ACYP2: variants seen among roughly 807,000 people sequenced by gnomAD.
ACYP2 encodes acylphosphatase 2.
In ACYP2, 12 loss-of-function variants were observed where a neutral mutation model predicts 11.2. That is an observed-to-expected ratio of 1.08 (90% CI 0.69 to 1.74). The LOEUF (loss-of-function observed/expected upper bound fraction) is 1.74, where lower values mean the gene tolerates loss of function less well. Among genes scored for constraint, ACYP2 ranks in the 40% most tolerant of loss-of-function variants. The pLI is 0.00. For missense variants in ACYP2, 134 were observed against 101.9 expected (o/e 1.31, Z -1.35); for synonymous variants, 43 against 32.2 (o/e 1.33, Z -1.13).
intron 6 of ACYP2, among the ~76,000 whole-genome samples, chr2:54,286,224 G>T (rs1297121998): frequency 6.6e-6 from 1 of 151,956 alleles, no homozygotes; most frequent in Admixed American, 6.6e-5. Context: ...AAACTATTTG[G>T]CAATGCAGTA....
intron 6 of ACYP2, among the ~76,000 whole-genome samples, chr2:54,265,553 G>C (rs2104059781): frequency 6.6e-6 from 1 of 152,338 alleles, no homozygotes; most frequent in East Asian, 1.9e-4. Context: ...ATACCAAGGA[G>C]AAAGGGGAAG....
chr2:54,207,881 T>A (rs1020268134), intron 6 of ACYP2, among the ~76,000 whole-genome samples: 1 of 152,314 alleles, frequency 6.6e-6, no homozygotes, highest in Admixed American at 6.5e-5. Flanking sequence ...GCATTCAATA[T>A]TGGGCAATTT....
intron 2 of ACYP2, among the ~76,000 whole-genome samples, chr2:54,017,209 C>T (rs1375120510): frequency 6.6e-6 from 1 of 151,958 alleles, no homozygotes; most frequent in Non-Finnish European, 1.5e-5. Context: ...TCTTAATTAC[C>T]TCCTAAAGGC....
At chr2:54,295,082 C>G (rs1309588536) in intron 6 of ACYP2, among the ~76,000 whole-genome samples, 1 of 152,154 alleles carries the variant, frequency 6.6e-6, no homozygotes, top group Non-Finnish European at 1.5e-5. Flanking sequence ...TGTCATATGA[C>G]TAGGCTTGCA....
At chr2:54,118,985 G>T (rs1251624647) in intron 4 of ACYP2, among the ~76,000 whole-genome samples, 1 of 149,822 alleles carries the variant, frequency 6.7e-6, no homozygotes, top group Non-Finnish European at 1.5e-5. Context: ...AGACATTGAG[G>T]CGTGGGGAAG....
chr2:54,069,606 G>A (rs1367068170), intron 4 of ACYP2, among the ~76,000 whole-genome samples: 3 of 152,084 alleles, frequency 2.0e-5, no homozygotes, highest in Non-Finnish European at 4.4e-5. Context: ...AGCTTGCAGT[G>A]AGCCAAGATT....
Position 54,201,680 on chromosome 2 carries a change from T to G in ACYP2, c.404+62932T>G, listed in dbSNP as rs189842525. Reference sequence around the variant, plus strand: ...TTTCTTTCTTTCTTTCTTTCTTTCTTTCTCTCTCTCTCTCTCTCTTTTTTC... The same window carrying G: ...TTTCTTTCTTTCTTTCTTTCTTTCTGTCTCTCTCTCTCTCTCTCTTTTTTC... On this transcript the variant is annotated intron_variant, in intron 6 of 6. Transcript: ENST00000607452. 2.0e-4 allele frequency among the ~76,000 whole-genome samples: 21 copies of G among 107,356 alleles called. No individual in the cohort carries two copies. In the South Asian group the frequency reaches 3.0e-3, roughly 15 times the overall value. 70.4% of individuals were successfully genotyped at this position (107,356 alleles called of 152,430 possible).
intron 4 of ACYP2, among the ~76,000 whole-genome samples, chr2:54,093,896 T>C (rs1312386860): frequency 6.6e-6 from 1 of 152,164 alleles, no homozygotes; most frequent in Non-Finnish European, 1.5e-5. Context: ...GCTGAGATCA[T>C]GCCAGTGCAC....
At chr2:54,227,497 G>T (rs1686058506) in intron 6 of ACYP2, among the ~76,000 whole-genome samples, 1 of 151,940 alleles carries the variant, frequency 6.6e-6, no homozygotes. Flanking sequence ...AAATTATCCG[G>T]TTCATGGTGG....
chr2:54,267,320 G>A (rs1195495126), intron 6 of ACYP2: 3 of 1,548,422 alleles, frequency 1.9e-6, no homozygotes, highest in East Asian at 2.4e-5. Context: ...CGGAAGCTGG[G>A]TGAAGAAAAG....
chr2:54,103,157 TTA>T (rs144584968), intron 4 of ACYP2, among the ~76,000 whole-genome samples: 14,605 of 152,146 alleles, frequency 0.096, 844 homozygotes, highest in Non-Finnish European at 0.14. Context: ...AAGAAAAAAT[TTA>T]TATTACAAGT....
At chr2:54,188,191 C>G (rs1041075491) in intron 6 of ACYP2, among the ~76,000 whole-genome samples, 2 of 152,038 alleles carry the variant, frequency 1.3e-5, no homozygotes, top group African/African-American at 4.8e-5. Context: ...GGGAAGGGAG[C>G]TTTTTGGAAG....
At chr2:54,024,493 G>T (rs574942230) in intron 2 of ACYP2, among the ~76,000 whole-genome samples, 1 of 152,288 alleles carries the variant, frequency 6.6e-6, no homozygotes, top group African/African-American at 2.4e-5. Context: ...AAAACCACGT[G>T]ATCATCTTAA....
intron 4 of ACYP2, among the ~76,000 whole-genome samples, chr2:54,064,469 T>C (rs1488859429): frequency 6.6e-6 from 1 of 152,228 alleles, no homozygotes; most frequent in South Asian, 2.1e-4. Flanking sequence ...CCATATCTTT[T>C]ATAAATTTCT....
At chr2:54,163,012 GT>G (rs879635755) in intron 6 of ACYP2, among the ~76,000 whole-genome samples, 7 of 152,138 alleles carry the variant, frequency 4.6e-5, no homozygotes, top group Non-Finnish European at 8.8e-5. Flanking sequence ...ACTCTGTACA[GT>G]CACTTTTGCT....
chr2:54,195,588 C>T (rs1007268716), intron 6 of ACYP2, among the ~76,000 whole-genome samples: 1 of 151,002 alleles, frequency 6.6e-6, no homozygotes, highest in Non-Finnish European at 1.5e-5. Context: ...CCCCGCAGCC[C>T]CAGCTATCAC....
intron 4 of ACYP2, among the ~76,000 whole-genome samples, chr2:54,102,795 C>A (rs945617874): frequency 6.6e-6 from 1 of 152,074 alleles, no homozygotes; most frequent in African/African-American, 2.4e-5. Flanking sequence ...TCTTTGTTGG[C>A]TTCATTCTGA....
intron 2 of ACYP2, among the ~76,000 whole-genome samples, chr2:53,978,020 G>A (rs866297854): frequency 2.0e-5 from 3 of 151,960 alleles, no homozygotes; most frequent in Admixed American, 1.3e-4. Context: ...CCAGCACTTT[G>A]GGAGGCTGAG....
intron 6 of ACYP2, among the ~76,000 whole-genome samples, chr2:54,180,308 C>T (rs540567150): frequency 3.3e-5 from 5 of 151,694 alleles, no homozygotes; most frequent in Non-Finnish European, 7.4e-5. Flanking sequence ...AATCATTGGC[C>T]ATTGGAGATC....
Sources: gnomAD v4.1 joint callset for allele counts (sites outside exome capture counted in the v4.1 genomes callset) on GRCh38, gnomAD v4.1.1 for gene constraint, MANE v1.5 for transcripts, NCBI Gene and HGNC (gene_info 2026-07-23, HGNC 2026-07-21) for gene names.